DDX39A: variants seen among roughly 807,000 people sequenced by gnomAD.
DDX39A encodes ATP-dependent RNA helicase DDX39A.
In DDX39A, 13 loss-of-function variants were observed where a neutral mutation model predicts 46.3. That is an observed-to-expected ratio of 0.28 (90% CI 0.18 to 0.45). The LOEUF is 0.45. DDX39A is among the 20% of genes least tolerant of loss of function. The probability of loss-of-function intolerance (pLI) is 1.00; values close to 1 mark genes in which losing one functional copy is unlikely to be tolerated. For synonymous variants in DDX39A, 234 were observed against 224.6 expected (o/e 1.04, Z -0.38); for missense variants, 352 against 581.8 (o/e 0.61, Z 4.06).
chr19:14,413,236 G>C lies in DDX39A; in HGVS notation c.-4-12C>G. On this transcript the variant is annotated splice_polypyrimidine_tract_variant and intron_variant, in intron 1 of 10. Transcript: ENST00000242776. Reference sequence around the variant, plus strand: ...GTTCTGCCATGATGCTGAGAAGAGAGAGAGGCAGGGTCCCGCGAGTGGGCA... The same window carrying C: ...GTTCTGCCATGATGCTGAGAAGAGACAGAGGCAGGGTCCCGCGAGTGGGCA... 1 of 1,611,218 alleles carries C rather than the reference G, an allele frequency of 6.2e-7. No homozygotes were observed. Among genetic ancestry groups the C allele is most frequent in the Non-Finnish European group, 8.5e-7 (1 of 1,178,384 alleles).
In DDX39A at chr19:14,419,178, C is replaced by G. The variant is rs376714978; in HGVS notation, c.-5+92G>C. 1.6e-4 allele frequency: 54 copies of G among 348,282 alleles called. No homozygotes were observed. The East Asian group carries it at 2.5e-3, about 16-fold the overall frequency. The allele number at this position is 348,282 out of a possible 1,614,324, so 21.6% of individuals were successfully genotyped here. The stretch of plus-strand genomic sequence containing the variant: ...CACCGTCTCGCGACCCTTTCTCCCC[C>G]TCCCCTTAGATCCCAACGTCTCCCC... On this transcript the variant is annotated intron_variant, in intron 1 of 10. Coordinates refer to ENST00000242776, the MANE Select transcript of DDX39A (RefSeq NM_005804.4).
intron 1 of DDX39A, among the ~76,000 whole-genome samples, chr19:14,414,325 T>TTTTTTA (rs1395863016): frequency 1.7e-3 from 230 of 133,524 alleles, no homozygotes; most frequent in East Asian, 4.3e-3. Context: ...TATCACCTGT[T>TTTTTTA]TTATTATTAT....
At position 14,412,779 on chromosome 19, in the gene DDX39A, G is replaced by T; in HGVS notation, c.209-101C>A. ...GCCCACAGTGAGGGCAATCAGAAGA[G>T]GCCGAGTCCGGACAAGGCCACAGAC... On this transcript the variant is annotated intron_variant, in intron 2 of 10. Transcript: ENST00000242776. This position sits in a 1 kb window ranked among gnomAD's most constrained non-coding sequence, Gnocchi z 4.4. The T allele has an allele frequency of 6.8e-7, 1 of 1,478,570 alleles. No homozygotes were observed. 91.6% of individuals were successfully genotyped at this position (1,478,570 alleles called of 1,614,324 possible).
At chr19:14,415,777 C>T in intron 1 of DDX39A, among the ~76,000 whole-genome samples, 1 of 151,812 alleles carries the variant, frequency 6.6e-6, no homozygotes, top group South Asian at 2.1e-4. Context: ...AAGACCCTAT[C>T]AAACTAAGTC....
chr19:14,410,363 G>T lies in DDX39A; in HGVS notation c.614-29C>A, dbSNP rs375296371. ...GGTGGGGAGGGCAAGACATGGGTGG[G>T]CATGAGCGTCTGCCATGCAGGACCC... On this transcript the variant is annotated intron_variant, in intron 5 of 10. Coordinates refer to ENST00000242776, the MANE Select transcript of DDX39A (RefSeq NM_005804.4). The surrounding 1 kb of genome is among the most constrained non-coding windows in gnomAD (Gnocchi z 4.3). 8 of 1,594,584 alleles carry T rather than the reference G, an allele frequency of 5.0e-6. No individual in the cohort carries two copies. The African/African-American group carries it at 9.4e-5, about 19-fold the overall frequency.
chr19:14,414,686 C>A (rs1568329501), intron 1 of DDX39A, among the ~76,000 whole-genome samples: 2 of 146,946 alleles, frequency 1.4e-5, no homozygotes, highest in Non-Finnish European at 3.0e-5. Flanking sequence ...TTACAGGCTG[C>A]GCGCGGTGGC....
intron 1 of DDX39A, among the ~76,000 whole-genome samples, chr19:14,417,390 G>A (rs368839999): frequency 1.7e-4 from 25 of 151,318 alleles, no homozygotes; most frequent in African/African-American, 5.6e-4. Context: ...AGAAGCCAGC[G>A]TGGGAGGATG....
At chr19:14,415,043 T>C (rs539676516) in intron 1 of DDX39A, among the ~76,000 whole-genome samples, 2 of 152,076 alleles carry the variant, frequency 1.3e-5, no homozygotes, top group South Asian at 2.1e-4. Flanking sequence ...GTCACAGACA[T>C]GTGCAACCAC....
intron 1 of DDX39A, among the ~76,000 whole-genome samples, chr19:14,416,700 T>G (rs1198526011): frequency 6.6e-6 from 1 of 152,138 alleles, no homozygotes; most frequent in African/African-American, 2.4e-5. Context: ...GTTTTTTTGT[T>G]TTTTGAGACA....
rs201242480 is a variant in DDX39A at position 14,412,711 on chromosome 19, C to A, written c.209-33G>T. 15 of 1,579,330 alleles carry A rather than the reference C, an allele frequency of 9.5e-6. No homozygotes were observed. The highest frequency in any genetic ancestry group is 1.3e-5 in the Non-Finnish European group (15 of 1,166,748). On this transcript the variant is annotated intron_variant, in intron 2 of 10. Transcript: ENST00000242776. The surrounding 1 kb of genome is among the most constrained non-coding windows in gnomAD (Gnocchi z 4.4). ...AGAAGCAGAGCGTGAGGGACGAGAA[C>A]CTGGATGCACCCCCGTGCAGGATCC...
intron 1 of DDX39A, among the ~76,000 whole-genome samples, chr19:14,414,734 C>T (rs1359962951): frequency 2.1e-5 from 3 of 146,252 alleles, no homozygotes; most frequent in East Asian, 2.3e-4. Context: ...GAGACCAAGG[C>T]GGGTGGGTCA....
In DDX39A at chr19:14,409,493, C is replaced by A. The variant is rs747213514; in HGVS notation, c.974+43G>T. ...GTGGAGGCCGTCAGACACTGGGCTC[C>A]TGGTGGTGCTCCCTGCAGCCTTGGC... On this transcript the variant is annotated intron_variant, in intron 8 of 10. Transcript: ENST00000242776. The surrounding 1 kb of genome is among the most constrained non-coding windows in gnomAD (Gnocchi z 8.3). The A allele has an allele frequency of 8.7e-6, 14 of 1,611,612 alleles. No individual in the cohort carries two copies. The highest frequency in any genetic ancestry group is 5.9e-6 in the Non-Finnish European group (7 of 1,179,370).
At position 14,409,073 on chromosome 19, in the gene DDX39A, C is replaced by G; in HGVS notation, c.1231G>C (p.Ala411Pro). The G allele has an allele frequency of 6.2e-7, 1 of 1,614,178 alleles. No individual in the cohort carries two copies. Among genetic ancestry groups the G allele is most frequent in the Non-Finnish European group, 8.5e-7 (1 of 1,180,018 alleles). Reference protein sequence around the residue: ...DVQDRFEVNVAELPEEIDIST... With the variant: ...DVQDRFEVNVPELPEEIDIST... ...ATGTCGATTTCCTCTGGAAGTTCTG[C>G]CACATTAACTTCAAACCGGTCCTGG... Residue 411 changes from alanine to proline, a missense_variant, in exon 10 of 11, where the codon GCA (alanine) becomes CCA (proline). By Grantham distance (27) the Ala-to-Pro change is conservative (BLOSUM62 -1). Transcript: ENST00000242776. The surrounding 1 kb of genome is among the most constrained non-coding windows in gnomAD (Gnocchi z 8.3).
In DDX39A at chr19:14,410,793, G is replaced by T; in HGVS notation, c.613+196C>A. On this transcript the variant is annotated intron_variant, in intron 5 of 10. Transcript: ENST00000242776. This position sits in a 1 kb window ranked among gnomAD's most constrained non-coding sequence, Gnocchi z 4.3. The stretch of plus-strand genomic sequence containing the variant: ...TTACGTCCAGGAGGGACGGGGGCTT[G>T]CTTGGGCCCCGTGGTCCCATTCGGC... 1 of 564,766 alleles carries T rather than the reference G, an allele frequency of 1.8e-6. No homozygotes were observed. Among genetic ancestry groups the T allele is most frequent in the Non-Finnish European group, 3.1e-6 (1 of 323,792 alleles). The allele number at this position is 564,766 out of a possible 1,614,324, so 35.0% of individuals were successfully genotyped here.
chr19:14,408,923 T>C lies in DDX39A; in HGVS notation c.*13A>G, dbSNP rs1976416676. On this transcript the variant is annotated 3_prime_UTR_variant, in exon 11 of 11. Coordinates refer to ENST00000242776, the MANE Select transcript of DDX39A (RefSeq NM_005804.4). ...GCGGGCGGCTCCGGGTGGGCGGCTC[T>C]GGCACGTGGTGGTTACCGGCTCTGC... 1.3e-6 allele frequency: 2 copies of C among 1,585,808 alleles called. No homozygotes were observed. The highest frequency in any genetic ancestry group is 1.7e-6 in the Non-Finnish European group (2 of 1,163,528).
In DDX39A at chr19:14,412,309, T is replaced by C; in HGVS notation, c.336+242A>G. 2.1e-6 allele frequency: 1 copy of C among 471,014 alleles called. No individual in the cohort carries two copies. Among genetic ancestry groups the C allele is most frequent in the Non-Finnish European group, 3.7e-6 (1 of 268,266 alleles). The allele number at this position is 471,014 out of a possible 1,614,324, so 29.2% of individuals were successfully genotyped here. A position where few individuals can be genotyped will look rare whatever the true frequency, so the allele number is the denominator to read the frequency against. On this transcript the variant is annotated intron_variant, in intron 3 of 10. Transcript: ENST00000242776. The surrounding 1 kb of genome is among the most constrained non-coding windows in gnomAD (Gnocchi z 4.4). ...GCACTTTCCAGTTATTTTGGCTTAT[T>C]GGCAATTTCTAATTTTTGTTATAAC...
At chr19:14,415,179 T>C (rs1976759380) in intron 1 of DDX39A, among the ~76,000 whole-genome samples, 1 of 152,166 alleles carries the variant, frequency 6.6e-6, no homozygotes. Context: ...TCTGTTTCTA[T>C]GGATTTGCCT....
At chr19:14,414,181 C>T (rs1976707056) in intron 1 of DDX39A, among the ~76,000 whole-genome samples, 3 of 151,956 alleles carry the variant, frequency 2.0e-5, no homozygotes, top group South Asian at 4.2e-4. Flanking sequence ...CACTCATTCC[C>T]GGCTCAGAAA....
intron 1 of DDX39A, among the ~76,000 whole-genome samples, chr19:14,418,258 C>A (rs1976900085): frequency 6.6e-6 from 1 of 151,888 alleles, no homozygotes; most frequent in South Asian, 2.1e-4. Flanking sequence ...GGAAAGGATC[C>A]GGCGGGGTTT....
Sources: gnomAD v4.1 joint callset for allele counts (sites outside exome capture counted in the v4.1 genomes callset) on GRCh38, gnomAD v4.1.1 for gene constraint, Gnocchi (gnomAD v3.1) non-coding constraint, MANE v1.5 for transcripts, NCBI Gene and HGNC (gene_info 2026-07-23, HGNC 2026-07-21) for gene names.